ATP6AP2: variants seen among roughly 807,000 people sequenced by gnomAD.
The protein encoded by ATP6AP2 is renin receptor.
Under a neutral mutation model 23.4 loss-of-function variants are expected in ATP6AP2, and 1 was observed. The ratio of observed to expected loss-of-function variants is 0.04; its 90% CI spans 0.02 to 0.20. The LOEUF (loss-of-function observed/expected upper bound fraction) is 0.20, where lower values mean the gene tolerates loss of function less well. Ranked by LOEUF, ATP6AP2 falls within the 10% of genes least tolerant of loss-of-function variation. ATP6AP2 has a pLI of 1.00. For synonymous variants in ATP6AP2, 90 were observed against 97.1 expected (o/e 0.93, Z 0.43); for missense variants, 174 against 271.3 (o/e 0.64, Z 2.52).
At chrX:40,600,734 C>T in intron 7 of ATP6AP2, 28 bp from the exon 8 acceptor site, 2 of 1,184,769 alleles carry the variant, frequency 1.7e-6, no homozygotes, top group African/African-American at 1.8e-5. Context: ...AGTTGAGATT[C>T]CCAATAATGT....
intron 7 of ATP6AP2, 167 bp from the exon 8 acceptor site, chrX:40,600,595 G>A: frequency 4.6e-6 from 2 of 434,661 alleles, no homozygotes; most frequent in Non-Finnish European, 7.6e-6. Context: ...TAAGTAGGAG[G>A]TAATGCATAT....
chrX:40,602,196 T>C lies in ATP6AP2; in HGVS notation c.858+1315T>C, dbSNP rs772611695. On this transcript the variant is annotated intron_variant, in intron 8 of 8. Transcript: ENST00000636580. ...ACTTGGAAGGCTGAGGCAGGAGAAT[T>C]GCTTGTACCCGGGAGGCAGAGGTTG... 2.0e-5 allele frequency among the ~76,000 whole-genome samples: 2 copies of C among 99,953 alleles called. 1 individual carries two copies. Among genetic ancestry groups the C allele is most frequent in the African/African-American group, 9.2e-5 (2 of 21,772 alleles). The allele number at this position is 99,953 out of a possible 115,157, so 86.8% of individuals were successfully genotyped here.
At chrX:40,605,377 C>T in intron 8 of ATP6AP2, 184 bp from the exon 9 acceptor site, 1 of 450,865 alleles carries the variant, frequency 2.2e-6, no homozygotes, top group South Asian at 3.3e-5. Flanking sequence ...GTTTATACTT[C>T]CACCATCAGT....
intron 2 of ATP6AP2, 142 bp downstream of exon 2, chrX:40,589,258 C>A (rs1926561863): frequency 1.4e-6 from 1 of 700,043 alleles, no homozygotes. Flanking sequence ...CTGGACCAGG[C>A]ACAGTGGCTC....
intron 1 of ATP6AP2, among the ~76,000 whole-genome samples, chrX:40,583,767 A>C (rs1327383502): frequency 8.9e-6 from 1 of 112,004 alleles, no homozygotes. Context: ...GATAAGAAAA[A>C]AAGATGAAAT....
At chrX:40,605,237 T>C in intron 8 of ATP6AP2, 1 of 225,220 alleles carries the variant, frequency 4.4e-6, no homozygotes, top group Non-Finnish European at 8.0e-6. Context: ...GCCTTGCTGC[T>C]GATATTCTTA....
chrX:40,601,077 TATAATCAG>T (rs1013517439), intron 8 of ATP6AP2, 196 bp downstream of exon 8: 1 of 412,587 alleles, frequency 2.4e-6, no homozygotes, highest in African/African-American at 2.5e-5. Context: ...TCTTTAGGGT[TATAATCAG>T]ATAATGCAAG....
chrX:40,590,011 G>C (rs1036351261), intron 2 of ATP6AP2: 1 of 111,281 alleles, frequency 9.0e-6, no homozygotes, highest in Non-Finnish European at 1.9e-5. Flanking sequence ...AAGTGAACAG[G>C]ATTGGTTGTT....
At position 40,581,031 on chromosome X, in the gene ATP6AP2, G is replaced by C. The variant is rs111632930; in HGVS notation, c.-35G>C. ...CGCCCGTGTCCCGCCGGCCCGTTCC[G>C]TGTCGCCCCGCAGTGCTGCGGCCGC... On this transcript the variant is annotated 5_prime_UTR_variant, in exon 1 of 9. Transcript: ENST00000636580. 2,283 of 1,162,744 alleles carry C rather than the reference G, an allele frequency of 2.0e-3. 27 individuals carry two copies. The African/African-American group carries it at 0.036, about 19-fold the overall frequency.
At chrX:40,586,145 CTT>C (rs1926463381) in intron 1 of ATP6AP2, among the ~76,000 whole-genome samples, 1 of 111,823 alleles carries the variant, frequency 8.9e-6, no homozygotes, top group Non-Finnish European at 1.9e-5. Context: ...TCAACAAGTA[CTT>C]ATTGAGCACC....
At chrX:40,603,801 C>T (rs1927002117) in intron 8 of ATP6AP2, among the ~76,000 whole-genome samples, 3 of 111,469 alleles carry the variant, frequency 2.7e-5, no homozygotes, top group Admixed American at 9.5e-5. Flanking sequence ...AGTGCAGTGG[C>T]GCAATCATAG....
intron 1 of ATP6AP2, among the ~76,000 whole-genome samples, chrX:40,584,445 C>G (rs1301972974): frequency 9.4e-6 from 1 of 106,526 alleles, no homozygotes; most frequent in Non-Finnish European, 1.9e-5. Flanking sequence ...GATCTCGGCT[C>G]ACTACAACCT....
At chrX:40,584,559 C>A (rs1206431642) in intron 1 of ATP6AP2, among the ~76,000 whole-genome samples, 1 of 110,333 alleles carries the variant, frequency 9.1e-6, no homozygotes, top group Non-Finnish European at 1.9e-5. Flanking sequence ...TGGCTCACTG[C>A]AAGCTCCACC....
intron 1 of ATP6AP2, among the ~76,000 whole-genome samples, chrX:40,584,379 T>C (rs957905963): frequency 6.5e-5 from 7 of 107,464 alleles, no homozygotes; most frequent in African/African-American, 2.4e-4. Flanking sequence ...TTTTTTTTTT[T>C]TTCCTTTTTT....
chrX:40,597,802 T>TG (rs1484088299), intron 5 of ATP6AP2, 138 bp downstream of exon 5: 1 of 664,409 alleles, frequency 1.5e-6, no homozygotes, highest in Admixed American at 2.6e-5. Context: ...CCTCCCAAAG[T>TG]GCTGGGATCA....
At chrX:40,604,528 CCT>C (rs1280422346) in intron 8 of ATP6AP2, among the ~76,000 whole-genome samples, 1 of 111,265 alleles carries the variant, frequency 9.0e-6, no homozygotes, top group East Asian at 2.8e-4. Context: ...CCACCAGGTC[CCT>C]CTCTCGACAC....
chrX:40,590,942 A>C, intron 2 of ATP6AP2: 1 of 252,052 alleles, frequency 4.0e-6, no homozygotes, highest in Non-Finnish European at 7.1e-6. Context: ...TGAAATTTGA[A>C]AGGTACCTAT....
intron 5 of ATP6AP2, chrX:40,597,897 T>G: frequency 2.8e-6 from 1 of 362,140 alleles, no homozygotes; most frequent in East Asian, 5.1e-5. Flanking sequence ...AATGAAAGAT[T>G]GTGCACATTT....
chrX:40,600,946 C>T (rs2146544311), intron 8 of ATP6AP2, 65 bp downstream of exon 8: 1 of 580,916 alleles, frequency 1.7e-6, no homozygotes, highest in East Asian at 3.9e-5. Context: ...AAAAAAAAAC[C>T]AAGTCCTATA....
Sources: allele counts gnomAD v4.1 joint callset (sites outside exome capture counted in the v4.1 genomes callset), GRCh38; gene constraint gnomAD v4.1.1; transcripts MANE v1.5; gene names NCBI Gene and HGNC (gene_info 2026-07-23, HGNC 2026-07-21).